The following IQGAP1 variants were observed in gnomAD, a reference collection of about 807,000 sequenced individuals.
IQGAP1 encodes IQ motif containing GTPase activating protein 1, also known as ras GTPase-activating-like protein IQGAP1.
Under a neutral mutation model 215.6 loss-of-function variants are expected in IQGAP1, and 66 were observed. That is an observed-to-expected ratio of 0.31 (90% CI 0.25 to 0.38). The LOEUF (loss-of-function observed/expected upper bound fraction) is 0.38. Ranked by LOEUF, IQGAP1 falls within the 10% of genes least tolerant of loss-of-function variation. The pLI, the probability that IQGAP1 is intolerant of heterozygous loss-of-function variation, is 1.00. For synonymous variants in IQGAP1, 772 were observed against 728.7 expected, an observed-to-expected ratio of 1.06 and a Z score of -0.96; for missense variants, 1,712 against 1,997.1, an observed-to-expected ratio of 0.86 and a Z score of 2.72.
In IQGAP1 at chr15:90,453,114, C is replaced by T. The variant is rs772332103; in HGVS notation, c.1327-18C>T. On this transcript the variant is annotated intron_variant, in intron 12 of 37. Transcript: ENST00000268182. ...ATGTCTTTCCTCACTGTTTTCCCTT[C>T]TGTCCCTTTCTGTACAGCATAATCT... is the stretch of plus-strand genomic sequence containing the variant. The T allele has an allele frequency of 2.5e-6, 4 of 1,593,326 alleles. No homozygotes were observed. The highest frequency in any genetic ancestry group is 1.3e-5 in the African/African-American group (1 of 74,234).
intron 33 of IQGAP1, 102 bp from the exon 34 acceptor site, chr15:90,491,231 G>C (rs1596294258): frequency 1.1e-6 from 1 of 929,200 alleles, no homozygotes; most frequent in South Asian, 1.6e-5. Context: ...TTCAAGGTTG[G>C]AGTTTAAGAA....
chr15:90,426,416 T>A (rs1366966257), intron 3 of IQGAP1, 150 bp downstream of exon 3: 1 of 820,018 alleles, frequency 1.2e-6, no homozygotes, highest in Non-Finnish European at 1.8e-6. Context: ...AATGGAGAAA[T>A]TTGTGCAAAG....
chr15:90,390,010 G>C (rs574101794), intron 1 of IQGAP1, among the ~76,000 whole-genome samples: 1 of 152,054 alleles, frequency 6.6e-6, no homozygotes, highest in East Asian at 1.9e-4. Context: ...CAGGACCTGA[G>C]GGAAGAGCAT....
intron 15 of IQGAP1, among the ~76,000 whole-genome samples, chr15:90,457,595 A>ATTTTTTTTTT (rs34550575): frequency 4.6e-5 from 6 of 131,368 alleles, no homozygotes; most frequent in Non-Finnish European, 3.2e-5. Context: ...CCTGGCTAAA[A>ATTTTTTTTTT]TTTTTTTTTT....
At chr15:90,473,591 G>A (rs564380786) in intron 19 of IQGAP1, 124 bp from the exon 20 acceptor site, 11 of 666,618 alleles carry the variant, frequency 1.7e-5, no homozygotes, top group Non-Finnish European at 2.9e-5. Flanking sequence ...ACTGCTGGAA[G>A]TGGTCCTTCC....
intron 35 of IQGAP1, among the ~76,000 whole-genome samples, chr15:90,493,199 C>T (rs1966229338): frequency 6.6e-6 from 1 of 151,138 alleles, no homozygotes; most frequent in Admixed American, 6.6e-5. Context: ...GCCACGATTG[C>T]ATCACTACAC....
chr15:90,472,347 A>C (rs1965917529), intron 18 of IQGAP1, among the ~76,000 whole-genome samples: 1 of 152,198 alleles, frequency 6.6e-6, no homozygotes, highest in East Asian at 1.9e-4. Flanking sequence ...CAGTATCTTT[A>C]GTAACAGTCC....
intron 14 of IQGAP1, among the ~76,000 whole-genome samples, chr15:90,454,904 G>A (rs1304052092): frequency 6.6e-6 from 1 of 152,234 alleles, no homozygotes; most frequent in African/African-American, 2.4e-5. Flanking sequence ...CAAGCTGAAA[G>A]CTGCAGGGTT....
chr15:90,391,137 C>T (rs1964630081), intron 2 of IQGAP1: 2 of 305,226 alleles, frequency 6.6e-6, no homozygotes, highest in African/African-American at 4.4e-5. Context: ...ACTCGGGAGC[C>T]TGAGGAGGGA....
At position 90,467,481 on chromosome 15, in the gene IQGAP1, G is replaced by C; in HGVS notation, c.2067G>C (p.Trp689Cys). 6.2e-7 allele frequency: 1 copy of C among 1,612,652 alleles called. No homozygotes were observed. The highest frequency in any genetic ancestry group is 8.5e-7 in the Non-Finnish European group (1 of 1,179,470). Reference sequence around the variant, plus strand: ...ATAACAGCAAGTGGGTGAAGCACTGGGTAAAAGGTGGATATTATTATTACC... The same window carrying C: ...ATAACAGCAAGTGGGTGAAGCACTGCGTAAAAGGTGGATATTATTATTACC... ...GDNNSKWVKH[W>C]VKGGYYYYHN... is the part of the protein sequence containing the mutation. The change falls in exon 18 of 38, where the codon TGG (tryptophan) becomes TGC (cysteine). Residue 689 changes from tryptophan to cysteine, a missense_variant. Physicochemically the swap from Trp to Cys is radical, Grantham distance 215 (BLOSUM62 -2). Transcript: ENST00000268182.
chr15:90,467,434 C>T lies in IQGAP1; in HGVS notation c.2036-16C>T. 6.2e-7 allele frequency: 1 copy of T among 1,604,150 alleles called. No individual in the cohort carries two copies. The highest frequency in any genetic ancestry group is 8.5e-7 in the Non-Finnish European group (1 of 1,176,240). On this transcript the variant is annotated splice_polypyrimidine_tract_variant and intron_variant, in intron 17 of 37. Coordinates refer to ENST00000268182, the MANE Select transcript of IQGAP1 (RefSeq NM_003870.4). ...TGGCTCTGGATGTCTTCTATCTTTCCTTTATTTTCTGCCAGGAGATAATAA... is the reference window on the plus strand; with the variant it reads ...TGGCTCTGGATGTCTTCTATCTTTCTTTTATTTTCTGCCAGGAGATAATAA...
At chr15:90,465,720 G>A (rs1326544486) in intron 15 of IQGAP1, among the ~76,000 whole-genome samples, 1 of 151,450 alleles carries the variant, frequency 6.6e-6, no homozygotes, top group Non-Finnish European at 1.5e-5. Context: ...TAGAGAGACG[G>A]GGTCTCACTA....
chr15:90,485,882 G>A (rs979246635), intron 30 of IQGAP1, 148 bp from the exon 31 acceptor site: 1 of 599,562 alleles, frequency 1.7e-6, no homozygotes, highest in African/African-American at 1.9e-5. Flanking sequence ...TTGTTTATTT[G>A]GGTTAGTTTG....
chr15:90,480,212 C>T (rs1278046047), intron 26 of IQGAP1, among the ~76,000 whole-genome samples: 2 of 140,566 alleles, frequency 1.4e-5, no homozygotes, highest in East Asian at 4.0e-4. Context: ...AATGTAGACC[C>T]CATATCTTAA....
intron 11 of IQGAP1, among the ~76,000 whole-genome samples, chr15:90,450,384 C>T (rs553850544): frequency 7.2e-5 from 6 of 83,732 alleles, no homozygotes; most frequent in East Asian, 3.9e-4. Flanking sequence ...CATTGATGGA[C>T]GCTTAGGTTG....
At chr15:90,440,901 G>A (rs1965439709) in intron 7 of IQGAP1, among the ~76,000 whole-genome samples, 1 of 152,162 alleles carries the variant, frequency 6.6e-6, no homozygotes, top group Admixed American at 6.5e-5. Context: ...CTGAGGTCAG[G>A]AGTTCAAGAC....
intron 5 of IQGAP1, among the ~76,000 whole-genome samples, chr15:90,434,208 G>A (rs921798717): frequency 2.6e-5 from 4 of 152,048 alleles, no homozygotes; most frequent in Non-Finnish European, 4.4e-5. Context: ...AGGCCAAGGC[G>A]GGTGGATCAC....
Position 90,440,542 on chromosome 15 carries a change from T to C in IQGAP1, c.576T>C (p.Tyr192=). The part of the protein sequence containing the change: ...INNMKTELEK[Y]GIQMPAFSKI... ...ACATGAAGACTGAGTTGGAGAAGTA[T>C]GGCATCCAGATGCCTGCCTTTAGCA... Residue 192 remains tyrosine, a synonymous_variant, in exon 7 of 38, where the codon TAT becomes TAC. Coordinates refer to ENST00000268182, the MANE Select transcript of IQGAP1 (RefSeq NM_003870.4). The C allele has an allele frequency of 6.4e-7, 1 of 1,570,664 alleles. No individual in the cohort carries two copies. The highest frequency in any genetic ancestry group is 1.3e-5 in the African/African-American group (1 of 74,652).
intron 15 of IQGAP1, among the ~76,000 whole-genome samples, chr15:90,458,700 A>G (rs1401035674): frequency 1.3e-5 from 2 of 152,228 alleles, no homozygotes; most frequent in Admixed American, 1.3e-4. Context: ...AGAGACTTCC[A>G]TTTCTAGCTT....
Sources: gnomAD v4.1 joint callset for allele counts (sites outside exome capture counted in the v4.1 genomes callset) on GRCh38, gnomAD v4.1.1 for gene constraint, MANE v1.5 for transcripts, NCBI Gene and HGNC (gene_info 2026-07-23, HGNC 2026-07-21) for gene names.